The following NSD1 variants were observed in gnomAD, a reference collection of about 807,000 sequenced individuals.
NSD1 encodes histone-lysine N-methyltransferase, H3 lysine-36 specific.
Under a neutral mutation model 242.7 loss-of-function variants are expected in NSD1, and 26 were observed. The observed-to-expected ratio is 0.11, with a 90% CI of 0.08 to 0.15. NSD1 has a LOEUF of 0.15. Among genes scored for constraint, NSD1 ranks in the 10% least tolerant of loss-of-function variants. NSD1 has a pLI of 1.00. For synonymous variants in NSD1, 1,106 were observed against 1,178.1 expected, an observed-to-expected ratio of 0.94 and a Z score of 1.25; for missense variants, 2,495 against 3,272.8, an observed-to-expected ratio of 0.76 and a Z score of 5.80.
chr5:177,182,810 GTATTTT>G, intron 2 of NSD1, among the ~76,000 whole-genome samples: 1 of 152,008 alleles, frequency 6.6e-6, no homozygotes, highest in East Asian at 1.9e-4. Context: ...GCTAATTTTT[GTATTTT>G]TAGTAGAGAC....
intron 2 of NSD1, among the ~76,000 whole-genome samples, chr5:177,156,174 ATTTTTTTTTTT>A (rs34417228): frequency 5.1e-5 from 4 of 78,020 alleles, no homozygotes; most frequent in South Asian, 5.5e-4. Context: ...CTCTTTTCAG[ATTTTTTTTTTT>A]TTTTTTTTTT....
intron 17 of NSD1, among the ~76,000 whole-genome samples, chr5:177,276,826 A>G (rs1758425577): frequency 6.6e-6 from 1 of 152,248 alleles, no homozygotes; most frequent in Non-Finnish European, 1.5e-5. Flanking sequence ...GATTAAAAAA[A>G]GAACAAAACG....
At chr5:177,279,892 C>T (rs1034715342) in intron 17 of NSD1, among the ~76,000 whole-genome samples, 3 of 150,862 alleles carry the variant, frequency 2.0e-5, no homozygotes, top group Admixed American at 6.6e-5. Context: ...GCTGGGATTA[C>T]AGGTGTGAGC....
intron 5 of NSD1, among the ~76,000 whole-genome samples, chr5:177,218,043 G>A (rs1455430750): frequency 6.6e-6 from 1 of 151,996 alleles, no homozygotes; most frequent in Non-Finnish European, 1.5e-5. Flanking sequence ...CTCCCAAGTA[G>A]CTGTGACTAC....
chr5:177,228,506 C>T (rs1764809746), intron 5 of NSD1, among the ~76,000 whole-genome samples: 1 of 152,006 alleles, frequency 6.6e-6, no homozygotes, highest in South Asian at 2.1e-4. Context: ...CGCGAGTCAC[C>T]AGCCCCGGCC....
intron 14 of NSD1, chr5:177,266,600 C>T (rs1757493572): frequency 3.1e-6 from 2 of 654,794 alleles, no homozygotes; most frequent in Non-Finnish European, 4.6e-6. Flanking sequence ...TTCACCCGCA[C>T]CTACTCCTCT....
At chr5:177,257,973 CTTT>C (rs35034666) in intron 13 of NSD1, among the ~76,000 whole-genome samples, 2 of 52,568 alleles carry the variant, frequency 3.8e-5, no homozygotes, top group South Asian at 1.0e-3. Context: ...CCCCCTGGGC[CTTT>C]TTTTTTTTTT....
At chr5:177,249,903 T>C (rs1011813401) in intron 11 of NSD1, among the ~76,000 whole-genome samples, 1 of 152,104 alleles carries the variant, frequency 6.6e-6, no homozygotes, top group African/African-American at 2.4e-5. Flanking sequence ...CCAGGCAACA[T>C]GGTAAAACCC....
intron 2 of NSD1, among the ~76,000 whole-genome samples, chr5:177,163,408 T>C (rs1428166142): frequency 6.6e-6 from 1 of 152,170 alleles, no homozygotes; most frequent in Non-Finnish European, 1.5e-5. Flanking sequence ...CCCAAAGTGC[T>C]GGGATTACAG....
intron 2 of NSD1, among the ~76,000 whole-genome samples, chr5:177,146,802 G>A (rs1415439466): frequency 1.3e-5 from 2 of 151,598 alleles, no homozygotes; most frequent in African/African-American, 4.8e-5. Context: ...TCAGTAGTTC[G>A]AGACCAGTCT....
chr5:177,197,449 T>A (rs763815454), intron 3 of NSD1, among the ~76,000 whole-genome samples: 6 of 152,090 alleles, frequency 3.9e-5, no homozygotes, highest in Non-Finnish European at 8.8e-5. Context: ...GGTGAAACCC[T>A]GTCTCTACTA....
chr5:177,213,563 G>A (rs1763528386), intron 5 of NSD1, among the ~76,000 whole-genome samples: 1 of 152,196 alleles, frequency 6.6e-6, no homozygotes, highest in Non-Finnish European at 1.5e-5. Context: ...CGCCTCCCGG[G>A]TTCACGCCAT....
At chr5:177,287,912 A>G (rs1004968333) in intron 20 of NSD1, among the ~76,000 whole-genome samples, 1 of 152,224 alleles carries the variant, frequency 6.6e-6, no homozygotes, top group African/African-American at 2.4e-5. Context: ...TCGATGAAAA[A>G]CTATGTATAG....
chr5:177,271,604 A>G (rs1304611375), intron 16 of NSD1, among the ~76,000 whole-genome samples: 1 of 152,228 alleles, frequency 6.6e-6, no homozygotes, highest in Non-Finnish European at 1.5e-5. Context: ...AAGGCATCAC[A>G]TGTGAAAGCA....
At chr5:177,145,272 T>C (rs1757141971) in intron 2 of NSD1, among the ~76,000 whole-genome samples, 1 of 151,028 alleles carries the variant, frequency 6.6e-6, no homozygotes, top group Admixed American at 6.7e-5. Context: ...GCATGTAACA[T>C]GTAACAAGAT....
chr5:177,168,430 C>T (rs1452572218), intron 2 of NSD1, among the ~76,000 whole-genome samples: 1 of 147,624 alleles, frequency 6.8e-6, no homozygotes, highest in Non-Finnish European at 1.5e-5. Context: ...TGCTCAGTTT[C>T]CTTTTTGGAT....
Position 177,275,953 on chromosome 5 carries a change from C to T in NSD1, c.5622+2169C>T, listed in dbSNP as rs372467787. ...GTTTGTTCCTTTGAGACAGGGTCTC[C>T]CTCTGTGACCCAGGCTAGAGTGCAT... On this transcript the variant is annotated intron_variant, in intron 17 of 22. Transcript: ENST00000439151. Among the ~76,000 whole-genome samples, 19 of 152,250 alleles carry T rather than the reference C, an allele frequency of 1.2e-4. 1 individual carries two copies. Among genetic ancestry groups the T allele is most frequent in the African/African-American group, 4.6e-4 (19 of 41,546 alleles).
At chr5:177,149,976 A>T (rs902036101) in intron 2 of NSD1, among the ~76,000 whole-genome samples, 4 of 152,014 alleles carry the variant, frequency 2.6e-5, no homozygotes, top group East Asian at 1.9e-4. Context: ...TTACTCTGTC[A>T]CCCAGGCTAG....
At position 177,209,914 on chromosome 5, in the gene NSD1, T is replaced by C. The variant is rs114747882; in HGVS notation, c.1515T>C (p.Asn505=). ...AKSRARKSSD[N]PKRTSVKKGH... ...CTCGAGCCAGAAAGAGCTCTGATAA[T>C]CCAAAAAGGACTAGTGTGAAAAAGG... The change falls in exon 5 of 23, where the codon AAT becomes AAC. Residue 505 remains asparagine, a synonymous_variant. Coordinates refer to ENST00000439151, the MANE Select transcript of NSD1 (RefSeq NM_022455.5). 1,911 of 1,613,988 alleles carry C rather than the reference T, an allele frequency of 1.2e-3. 19 individuals are homozygous for C. The African/African-American group carries it at 0.022, about 19-fold the overall frequency.
Sources: gnomAD v4.1 joint callset for allele counts (sites outside exome capture counted in the v4.1 genomes callset) on GRCh38, gnomAD v4.1.1 for gene constraint, MANE v1.5 for transcripts, NCBI Gene and HGNC (gene_info 2026-07-23, HGNC 2026-07-21) for gene names.